The following CD8B variants were observed in gnomAD, a reference collection of about 807,000 sequenced individuals.
CD8B encodes the protein T-cell surface glycoprotein CD8 beta chain.
Under a neutral mutation model 24.2 loss-of-function variants are expected in CD8B, and 6 were observed. The ratio of observed to expected loss-of-function variants is 0.25; its 90% CI spans 0.14 to 0.49. The LOEUF (loss-of-function observed/expected upper bound fraction) is 0.49. Among genes scored for constraint, CD8B ranks in the 20% least tolerant of loss-of-function variants. The pLI is 0.98. For missense variants in CD8B, 196 were observed against 271.3 expected (o/e 0.72, Z 1.95); for synonymous variants, 84 against 108.3 (o/e 0.78, Z 1.39).
At chr2:86,849,209 G>A (rs974752435) in intron 3 of CD8B, among the ~76,000 whole-genome samples, 1 of 152,284 alleles carries the variant, frequency 6.6e-6, no homozygotes, top group Admixed American at 6.5e-5. Context: ...CAGGAGGGAA[G>A]GGAGTGGGCT....
chr2:86,853,587 G>C (rs898735411), intron 2 of CD8B, among the ~76,000 whole-genome samples: 2 of 152,212 alleles, frequency 1.3e-5, no homozygotes, highest in Non-Finnish European at 2.9e-5. Flanking sequence ...CAGATGTTGG[G>C]AAAGGGGTGA....
chr2:86,848,712 A>ATTTATTTATTTATTTC, intron 3 of CD8B, among the ~76,000 whole-genome samples: 1 of 89,106 alleles, frequency 1.1e-5, no homozygotes, highest in Non-Finnish European at 2.1e-5. Context: ...TTATTTATTT[A>ATTTATTTATTTATTTC]TTTATTTATT....
downstream of CD8B, among the ~76,000 whole-genome samples, chr2:86,837,539 C>T (rs1233144149): frequency 2.0e-5 from 3 of 152,008 alleles, no homozygotes; most frequent in Middle Eastern, 3.4e-3. Context: ...TTTGGAAGGC[C>T]TCTGAAGACA....
At chr2:86,861,390 T>C (rs974633834) in intron 1 of CD8B, among the ~76,000 whole-genome samples, 18 of 151,860 alleles carry the variant, frequency 1.2e-4, no homozygotes, top group Non-Finnish European at 1.8e-4. Context: ...TGTCTGATTG[T>C]ACTACAAACA....
chr2:86,851,370 C>T (rs926820994), intron 3 of CD8B, among the ~76,000 whole-genome samples: 3 of 152,164 alleles, frequency 2.0e-5, no homozygotes, highest in African/African-American at 7.2e-5. Flanking sequence ...AGCCGTAGCA[C>T]ACAACCGGTT....
downstream of CD8B, among the ~76,000 whole-genome samples, chr2:86,836,812 ATTAG>A (rs1395424021): frequency 6.6e-6 from 1 of 152,106 alleles, no homozygotes; most frequent in African/African-American, 2.4e-5. Context: ...AGTTGTGGGT[ATTAG>A]TTCAGTCATA....
rs1285464744 is a variant in CD8B, at chr2:86,846,925, G to GTCTTTTTTTTTTTTTTTTTTTTT, written c.494-153_494-152insAAAAAAAAAAAAAAAAAAAAAGA. 5.1e-5 allele frequency: 9 copies of GTCTTTTTTTTTTTTTTTTTTTTT among 176,724 alleles called. 3 individuals carry two copies. Among genetic ancestry groups the GTCTTTTTTTTTTTTTTTTTTTTT allele is most frequent in the South Asian group, 1.2e-4 (2 of 16,488 alleles). 10.9% of individuals were successfully genotyped at this position (176,724 alleles called of 1,614,324 possible). On this transcript the variant is annotated intron_variant, in intron 3 of 5. Transcript: ENST00000390655. ...TTCGATGTAATGTATTTTTCCTCAA[G>GTCTTTTTTTTTTTTTTTTTTTTT]TATTTTTTTTTTTTTTTTTTTTTTT...
At chr2:86,821,961 A>G (rs1674495215) in intron 5 of CD8B, among the ~76,000 whole-genome samples, 2 of 152,016 alleles carry the variant, frequency 1.3e-5, no homozygotes, top group Non-Finnish European at 2.9e-5. Flanking sequence ...CACTTCTTTC[A>G]GGTTCTGTAT....
In CD8B at chr2:86,842,159, G is replaced by C; in HGVS notation, c.*148C>G. On this transcript the variant is annotated 3_prime_UTR_variant, in exon 6 of 6. Transcript: ENST00000390655. Reference sequence around the variant, plus strand: ...GTTGCTCCCATGCACATCACACACAGAAAGGCCTTGCAGCAGTGAAAAGCA... The same window carrying C: ...GTTGCTCCCATGCACATCACACACACAAAGGCCTTGCAGCAGTGAAAAGCA... 1.3e-6 allele frequency: 2 copies of C among 1,487,250 alleles called. No individual in the cohort carries two copies. The highest frequency in any genetic ancestry group is 4.8e-5 in the East Asian group (2 of 41,524). 92.1% of individuals were successfully genotyped at this position (1,487,250 alleles called of 1,614,324 possible). A position where few individuals can be genotyped will look rare whatever the true frequency, so the allele number is the denominator to read the frequency against.
rs1675382804 is a variant in CD8B at position 86,840,724 on chromosome 2, G to A, written c.*1583C>T. On this transcript the variant is annotated 3_prime_UTR_variant, in exon 6 of 6. Coordinates refer to ENST00000390655, the MANE Select transcript of CD8B (RefSeq NM_004931.5). ...TTTATTACTTTGTATGTTTTGTTCA[G>A]TTCTTTGTTCAAAATGCCAAGGACC... is the stretch of plus-strand genomic sequence containing the variant. Among the ~76,000 whole-genome samples the A allele has an allele frequency of 6.6e-6, 1 of 151,970 alleles. No homozygotes were observed. Among genetic ancestry groups the A allele is most frequent in the African/African-American group, 2.4e-5 (1 of 41,334 alleles).
At position 86,818,231 on chromosome 2, in the gene CD8B, T is replaced by A. The variant is rs113790769; in HGVS notation, c.621-2513A>T. ...CTCAAAATAAATAAATAAATAAAAA[T>A]AAATAAATAAAGTATATATTCATAA... On this transcript the variant is annotated intron_variant, in intron 5 of 5. Transcript: ENST00000331469. 9.9e-5 allele frequency among the ~76,000 whole-genome samples: 15 copies of A among 152,016 alleles called. 2 individuals carry two copies. Among genetic ancestry groups the A allele is most frequent in the African/African-American group, 3.1e-4 (13 of 41,470 alleles).
intron 5 of CD8B, among the ~76,000 whole-genome samples, chr2:86,844,421 C>T (rs1675574095): frequency 6.6e-6 from 1 of 151,912 alleles, no homozygotes; most frequent in African/African-American, 2.4e-5. Context: ...GTGATAACCC[C>T]TTATCTCACA....
At chr2:86,837,491 C>T (rs965351637), downstream of CD8B, among the ~76,000 whole-genome samples, 2 of 151,988 alleles carry the variant, frequency 1.3e-5, no homozygotes, top group South Asian at 2.1e-4. Flanking sequence ...AGTGACGCAT[C>T]GAAGGAGGTT....
intron 5 of CD8B, among the ~76,000 whole-genome samples, chr2:86,830,958 A>C (rs145075067): frequency 5.4e-5 from 8 of 148,196 alleles, no homozygotes; most frequent in African/African-American, 1.7e-4. Flanking sequence ...AAGAAACGTT[A>C]TTTATTTAAA....
chr2:86,827,828 AC>A (rs1481664788), intron 5 of CD8B, among the ~76,000 whole-genome samples: 1 of 152,206 alleles, frequency 6.6e-6, no homozygotes, highest in Non-Finnish European at 1.5e-5. Context: ...TTCACCCACA[AC>A]AAAAGTAGAG....
intron 4 of CD8B, among the ~76,000 whole-genome samples, chr2:86,845,980 G>A (rs191181258): frequency 6.6e-6 from 1 of 152,318 alleles, no homozygotes; most frequent in East Asian, 1.9e-4. Context: ...CCATTTCATA[G>A]ATGCGCAGAG....
At chr2:86,817,403 TA>T (rs1674295893) in intron 5 of CD8B, among the ~76,000 whole-genome samples, 1 of 152,044 alleles carries the variant, frequency 6.6e-6, no homozygotes, top group South Asian at 2.1e-4. Flanking sequence ...TAATATCTAA[TA>T]GGGGAATGAA....
intron 1 of CD8B, 22 bp from the exon 2 acceptor site, chr2:86,858,438 G>A: frequency 6.4e-7 from 1 of 1,562,438 alleles, no homozygotes; most frequent in Non-Finnish European, 8.7e-7. Context: ...CAAGAACAGA[G>A]ACATCACACA....
chr2:86,836,007 C>A (rs1478083640), downstream of CD8B, among the ~76,000 whole-genome samples: 1 of 151,752 alleles, frequency 6.6e-6, no homozygotes, highest in East Asian at 2.0e-4. Context: ...GAAACACATG[C>A]CTGATTGAGA....
Sources: allele counts gnomAD v4.1 joint callset (sites outside exome capture counted in the v4.1 genomes callset), GRCh38; gene constraint gnomAD v4.1.1; transcripts MANE v1.5; gene names NCBI Gene and HGNC (gene_info 2026-07-23, HGNC 2026-07-21).